The following CNTNAP2 variants were observed in gnomAD, a reference collection of about 807,000 sequenced individuals.
The protein encoded by CNTNAP2 is contactin associated protein 2, also known as contactin-associated protein-like 2.
In CNTNAP2, 98 loss-of-function variants were observed where a neutral mutation model predicts 155.2. The observed-to-expected ratio is 0.63, with a 90% CI of 0.54 to 0.75. The LOEUF (loss-of-function observed/expected upper bound fraction) is 0.75, where lower values mean the gene tolerates loss of function less well. CNTNAP2 is among the 30% of genes least tolerant of loss of function. The pLI is 0.00. For missense variants in CNTNAP2, 1,727 were observed against 1,688.1 expected (o/e 1.02, Z -0.40); for synonymous variants, 651 against 631.2 (o/e 1.03, Z -0.47).
intron 3 of CNTNAP2, among the ~76,000 whole-genome samples, chr7:146,843,546 A>G (rs1346552166): frequency 6.6e-6 from 1 of 150,548 alleles, no homozygotes; most frequent in Non-Finnish European, 1.5e-5. Context: ...CCACATAATG[A>G]TTACATTATT....
chr7:146,439,900 G>A (rs1034403378), intron 1 of CNTNAP2, among the ~76,000 whole-genome samples: 1 of 151,604 alleles, frequency 6.6e-6, no homozygotes, highest in South Asian at 2.1e-4. Flanking sequence ...TACGCCAGTG[G>A]ATCACCTGAG....
intron 1 of CNTNAP2, among the ~76,000 whole-genome samples, chr7:146,477,670 C>T (rs1280354417): frequency 7.1e-6 from 1 of 141,484 alleles, no homozygotes; most frequent in Non-Finnish European, 1.5e-5. Context: ...CACACACACA[C>T]ACACATCTTC....
chr7:146,482,529 G>A (rs933974843), intron 1 of CNTNAP2, among the ~76,000 whole-genome samples: 3 of 151,932 alleles, frequency 2.0e-5, no homozygotes, highest in Non-Finnish European at 4.4e-5. Context: ...CGGATCATAA[G>A]GTTAAGAGAT....
chr7:146,565,660 G>A (rs1798346428), intron 1 of CNTNAP2, among the ~76,000 whole-genome samples: 1 of 152,290 alleles, frequency 6.6e-6, no homozygotes, highest in Admixed American at 6.5e-5. Flanking sequence ...AAAGTTTGTT[G>A]CTACAAAAAA....
intron 3 of CNTNAP2, among the ~76,000 whole-genome samples, chr7:146,906,888 A>G (rs1032358092): frequency 6.8e-6 from 1 of 147,380 alleles, no homozygotes; most frequent in African/African-American, 2.5e-5. Flanking sequence ...AAAGGCAAAG[A>G]AGTTGAAAAC....
At chr7:147,333,515 A>T (rs371788108) in intron 9 of CNTNAP2, among the ~76,000 whole-genome samples, 1 of 152,236 alleles carries the variant, frequency 6.6e-6, no homozygotes, top group Non-Finnish European at 1.5e-5. Flanking sequence ...ACAACTTTCT[A>T]TAATAAAAGA....
intron 1 of CNTNAP2, among the ~76,000 whole-genome samples, chr7:146,405,539 C>A (rs1490329989): frequency 6.6e-6 from 1 of 152,180 alleles, no homozygotes; most frequent in Non-Finnish European, 1.5e-5. Flanking sequence ...TTAAAGATAA[C>A]TAATATTACA....
chr7:146,485,908 ATC>A (rs1797048485), intron 1 of CNTNAP2, among the ~76,000 whole-genome samples: 1 of 152,208 alleles, frequency 6.6e-6, no homozygotes, highest in Non-Finnish European at 1.5e-5. Flanking sequence ...ATACAATTTA[ATC>A]TGTCTATACA....
At chr7:146,559,197 A>T (rs574732181) in intron 1 of CNTNAP2, among the ~76,000 whole-genome samples, 89 of 152,170 alleles carry the variant, frequency 5.8e-4, no homozygotes, top group African/African-American at 2.1e-3. Context: ...ACATTGTGTG[A>T]TATGTATATA....
At chr7:147,093,818 C>G (rs1800466275) in intron 4 of CNTNAP2, among the ~76,000 whole-genome samples, 1 of 152,126 alleles carries the variant, frequency 6.6e-6, no homozygotes, top group East Asian at 1.9e-4. Flanking sequence ...CTGCTGTGAA[C>G]TTGTGAAATC....
intron 1 of CNTNAP2, among the ~76,000 whole-genome samples, chr7:146,711,438 G>A (rs1326525885): frequency 6.8e-6 from 1 of 146,732 alleles, no homozygotes; most frequent in Admixed American, 6.9e-5. Flanking sequence ...TACTATATAG[G>A]TATATATGTT....
intron 2 of CNTNAP2, among the ~76,000 whole-genome samples, chr7:146,814,969 A>T (rs1460953741): frequency 6.6e-6 from 1 of 152,206 alleles, no homozygotes; most frequent in East Asian, 1.9e-4. Flanking sequence ...TTTATGAATA[A>T]TAGAAATAAT....
At chr7:146,957,254 C>A (rs370629262) in intron 3 of CNTNAP2, among the ~76,000 whole-genome samples, 1 of 152,096 alleles carries the variant, frequency 6.6e-6, no homozygotes, top group East Asian at 1.9e-4. Flanking sequence ...TATATCTAAG[C>A]ATATCTAAAT....
chr7:146,244,198 C>T lies in CNTNAP2; in HGVS notation c.97+127225C>T, dbSNP rs576028302. Among the ~76,000 whole-genome samples, 4 of 152,230 alleles carry T rather than the reference C, an allele frequency of 2.6e-5. No homozygotes were observed. The East Asian group carries it at 7.7e-4, about 29-fold the overall frequency. ...AGTGCCTAAGGAGGTTCAGCATAGT[C>T]CTGCCAGCAAAGATTATTTATTTAC... On this transcript the variant is annotated intron_variant, in intron 1 of 23. Coordinates refer to ENST00000361727, the MANE Select transcript of CNTNAP2 (RefSeq NM_014141.6).
intron 1 of CNTNAP2, among the ~76,000 whole-genome samples, chr7:146,422,126 A>G (rs1285578992): frequency 6.6e-6 from 1 of 151,352 alleles, no homozygotes; most frequent in Non-Finnish European, 1.5e-5. Context: ...TTTGGGATAC[A>G]AATGTTTTTT....
rs1064794761 is a variant in CNTNAP2, at chr7:148,217,393, A to C, written c.3116A>C (p.Gln1039Pro). 2 of 1,614,132 alleles carry C rather than the reference A, an allele frequency of 1.2e-6. No homozygotes were observed. Among genetic ancestry groups the C allele is most frequent in the Non-Finnish European group, 1.7e-6 (2 of 1,180,016 alleles). ...AGCAGAGTAGACAACGCTCCCGACC[A>C]GCAGAACTCCCACCCGGACCTGGCA... ...SSSRVDNAPD[Q>P]QNSHPDLAQE... Residue 1039 changes from glutamine to proline, a missense_variant, in exon 19 of 24, where the codon CAG becomes CCG. Transcript: ENST00000361727.
rs72157861 is a variant in CNTNAP2 at position 148,324,794 on chromosome 7, C to CAAA, written c.3475+57679_3475+57681dup. Reference sequence around the variant, plus strand: ...TGGGTGACAGAGTAAGACTCCATCTCAAAAAAAAAAAAAGAGTAGGGATTT... The same window carrying CAAA: ...TGGGTGACAGAGTAAGACTCCATCTCAAAAAAAAAAAAAAAAGAGTAGGGATTT... On this transcript the variant is annotated intron_variant, in intron 21 of 23. Coordinates refer to ENST00000361727, the MANE Select transcript of CNTNAP2 (RefSeq NM_014141.6). 4.7e-5 allele frequency among the ~76,000 whole-genome samples: 5 copies of CAAA among 105,818 alleles called. No homozygotes were observed. The Admixed American group carries it at 5.5e-4, about 12-fold the overall frequency. The allele number at this position is 105,818 out of a possible 152,430, so 69.4% of individuals were successfully genotyped here.
intron 2 of CNTNAP2, among the ~76,000 whole-genome samples, chr7:146,823,227 A>G (rs1471404953): frequency 6.7e-6 from 1 of 150,126 alleles, no homozygotes; most frequent in Non-Finnish European, 1.5e-5. Context: ...GAGTATACTC[A>G]TTCTTCAGTA....
At chr7:146,797,419 T>G (rs1005945459) in intron 2 of CNTNAP2, among the ~76,000 whole-genome samples, 2 of 152,208 alleles carry the variant, frequency 1.3e-5, no homozygotes, top group Non-Finnish European at 2.9e-5. Flanking sequence ...GCATTTTGTC[T>G]TAGAGCTATC....
Sources: allele counts gnomAD v4.1 joint callset (sites outside exome capture counted in the v4.1 genomes callset), GRCh38; gene constraint gnomAD v4.1.1; transcripts MANE v1.5; gene names NCBI Gene and HGNC (gene_info 2026-07-23, HGNC 2026-07-21).